PTPRG: variants seen among roughly 807,000 people sequenced by gnomAD.
PTPRG encodes protein tyrosine phosphatase receptor type G, also known as receptor-type tyrosine-protein phosphatase gamma.
In PTPRG, 102 loss-of-function variants were observed where a neutral mutation model predicts 165.3. The ratio of observed to expected loss-of-function variants is 0.62; its 90% CI spans 0.53 to 0.73. The LOEUF is 0.73. Ranked by LOEUF, PTPRG falls within the 30% of genes least tolerant of loss-of-function variation. The pLI is 0.00. For missense variants in PTPRG, 1,866 were observed against 1,861.4 expected, an observed-to-expected ratio of 1.00 and a Z score of -0.05; for synonymous variants, 675 against 669.5, an observed-to-expected ratio of 1.01 and a Z score of -0.13.
chr3:61,700,802 T>C (rs2106703027), intron 1 of PTPRG, among the ~76,000 whole-genome samples: 1 of 152,362 alleles, frequency 6.6e-6, no homozygotes, highest in Middle Eastern at 3.4e-3. Context: ...GTCATTTTCA[T>C]TCTGGGTATA....
At chr3:62,131,832 C>T (rs1343474496) in intron 5 of PTPRG, among the ~76,000 whole-genome samples, 1 of 152,108 alleles carries the variant, frequency 6.6e-6, no homozygotes, top group Non-Finnish European at 1.5e-5. Context: ...TATTTTGAAA[C>T]AAATTCAAGA....
chr3:61,605,525 G>A (rs1700978274), intron 1 of PTPRG, among the ~76,000 whole-genome samples: 1 of 151,746 alleles, frequency 6.6e-6, no homozygotes, highest in African/African-American at 2.4e-5. Context: ...CAAAGTGCTA[G>A]GATTACAGGT....
chr3:62,232,155 G>A (rs1700918500), intron 14 of PTPRG, among the ~76,000 whole-genome samples: 1 of 151,974 alleles, frequency 6.6e-6, no homozygotes, highest in South Asian at 2.1e-4. Flanking sequence ...ATTGGTTGTG[G>A]GTAAATCAGA....
intron 1 of PTPRG, among the ~76,000 whole-genome samples, chr3:61,711,562 GTCT>G (rs1212320840): frequency 6.6e-6 from 1 of 152,182 alleles, no homozygotes; most frequent in Non-Finnish European, 1.5e-5. Flanking sequence ...CTGCATAAAT[GTCT>G]TCTTTTGAGA....
chr3:61,595,141 A>G (rs1057078910), intron 1 of PTPRG, among the ~76,000 whole-genome samples: 4 of 151,954 alleles, frequency 2.6e-5, no homozygotes, highest in African/African-American at 7.3e-5. Flanking sequence ...GAGAGCAGCA[A>G]TAATCTCCCA....
intron 3 of PTPRG, among the ~76,000 whole-genome samples, chr3:61,993,768 A>C (rs1207312899): frequency 6.6e-6 from 1 of 152,210 alleles, no homozygotes; most frequent in African/African-American, 2.4e-5. Flanking sequence ...AAATAAATTC[A>C]AGAGGGAGTA....
chr3:62,059,096 G>A (rs1261094920), intron 4 of PTPRG, among the ~76,000 whole-genome samples: 1 of 152,180 alleles, frequency 6.6e-6, no homozygotes, highest in South Asian at 2.1e-4. Context: ...CTGTTCACCA[G>A]CTATGTTCTT....
chr3:62,231,103 A>T (rs1445265181), intron 13 of PTPRG, 122 bp from the exon 14 acceptor site: 3 of 626,826 alleles, frequency 4.8e-6, no homozygotes, highest in Non-Finnish European at 7.3e-6. Context: ...GTCACAGATG[A>T]GGCCTGATGA....
chr3:61,993,686 G>A (rs1216764554), intron 3 of PTPRG, among the ~76,000 whole-genome samples: 1 of 152,078 alleles, frequency 6.6e-6, no homozygotes, highest in Non-Finnish European at 1.5e-5. Flanking sequence ...CTGTCTTTGT[G>A]CCATCCATTT....
At chr3:61,992,312 A>T (rs911662418) in intron 3 of PTPRG, among the ~76,000 whole-genome samples, 2 of 152,158 alleles carry the variant, frequency 1.3e-5, no homozygotes, top group African/African-American at 4.8e-5. Context: ...TGGGTGCAGA[A>T]ATCAACTTGT....
intron 1 of PTPRG, among the ~76,000 whole-genome samples, chr3:61,726,489 C>T (rs1157718434): frequency 6.6e-6 from 1 of 151,974 alleles, no homozygotes; most frequent in African/African-American, 2.4e-5. Context: ...AAATGGATAA[C>T]ACAAAAAAAT....
chr3:62,201,403 A>C (rs1216894371), intron 10 of PTPRG, 102 bp from the exon 11 acceptor site: 1 of 924,178 alleles, frequency 1.1e-6, no homozygotes, highest in Non-Finnish European at 1.6e-6. Flanking sequence ...ATATTTTGAC[A>C]TGTGAAAATT....
intron 5 of PTPRG, among the ~76,000 whole-genome samples, chr3:62,083,505 G>A (rs374259189): frequency 6.6e-6 from 1 of 152,152 alleles, no homozygotes; most frequent in East Asian, 1.9e-4. Flanking sequence ...TGGTTTATCT[G>A]GTGAAACAAA....
At chr3:62,093,524 A>G (rs1346771408) in intron 5 of PTPRG, among the ~76,000 whole-genome samples, 2 of 152,200 alleles carry the variant, frequency 1.3e-5, no homozygotes, top group African/African-American at 4.8e-5. Flanking sequence ...ATTGGCACCA[A>G]AAGAAACCCA....
chr3:61,767,211 T>C (rs555094284), intron 2 of PTPRG, among the ~76,000 whole-genome samples: 2 of 124,710 alleles, frequency 1.6e-5, no homozygotes, highest in Non-Finnish European at 3.1e-5. Flanking sequence ...ACCACTGCAC[T>C]CTAGCCTTGT....
At chr3:62,275,637 C>G (rs1379558725) in intron 23 of PTPRG, among the ~76,000 whole-genome samples, 1 of 152,116 alleles carries the variant, frequency 6.6e-6, no homozygotes, top group African/African-American at 2.4e-5. Context: ...GCTGATGCAC[C>G]TGTGGTCCTA....
chr3:62,278,383 T>C (rs1425840612), intron 26 of PTPRG, among the ~76,000 whole-genome samples: 1 of 152,050 alleles, frequency 6.6e-6, no homozygotes, highest in Non-Finnish European at 1.5e-5. Flanking sequence ...TACTTTTCCC[T>C]CCCTTAGTCC....
chr3:61,798,440 A>T (rs1028396556), intron 2 of PTPRG, among the ~76,000 whole-genome samples: 3 of 152,166 alleles, frequency 2.0e-5, no homozygotes, highest in Admixed American at 6.5e-5. Context: ...GCATGAAATT[A>T]CTTTATCAGT....
Position 62,262,548 on chromosome 3 carries a change from T to A in PTPRG, c.2560-250T>A, listed in dbSNP as rs146107873. The A allele has an allele frequency of 6.5e-5, 24 of 368,440 alleles. No homozygotes were observed. The East Asian group carries it at 8.4e-4, about 13-fold the overall frequency. 22.8% of individuals were successfully genotyped at this position (368,440 alleles called of 1,614,324 possible). ...ATTCAAAAAGAGATATTGTTTTACA[T>A]CTCAGGGACTAGGTCAAAAACTAGA... On this transcript the variant is annotated intron_variant, in intron 16 of 29. Transcript: ENST00000474889.
Sources: allele counts gnomAD v4.1 joint callset (sites outside exome capture counted in the v4.1 genomes callset), GRCh38; gene constraint gnomAD v4.1.1; transcripts MANE v1.5; gene names NCBI Gene and HGNC (gene_info 2026-07-23, HGNC 2026-07-21).